Variants in KCNK2 observed in about 807,000 individuals in gnomAD.
KCNK2 encodes potassium channel subfamily K member 2.
Under a neutral mutation model 40.5 loss-of-function variants are expected in KCNK2, and 21 were observed. The observed-to-expected ratio is 0.52, with a 90% CI of 0.37 to 0.75. The LOEUF (loss-of-function observed/expected upper bound fraction) is 0.75, where lower values mean the gene tolerates loss of function less well. Ranked by LOEUF, KCNK2 falls within the 30% of genes least tolerant of loss-of-function variation. The pLI is 0.00. For missense variants in KCNK2, 399 were observed against 531.6 expected (o/e 0.75, Z 2.45); for synonymous variants, 191 against 202.2 (o/e 0.94, Z 0.47).
intron 1 of KCNK2, among the ~76,000 whole-genome samples, chr1:215,055,411 T>G (rs1335296387): frequency 6.6e-6 from 1 of 152,224 alleles, no homozygotes; most frequent in Non-Finnish European, 1.5e-5. Context: ...TCATTGGTTT[T>G]AAACAAGATG....
At chr1:215,073,450 G>T (rs895557462) in intron 1 of KCNK2, among the ~76,000 whole-genome samples, 10 of 152,278 alleles carry the variant, frequency 6.6e-5, no homozygotes, top group Admixed American at 2.6e-4. Context: ...TTGTTTGGAG[G>T]TTAGGGGAGC....
intron 3 of KCNK2, among the ~76,000 whole-genome samples, chr1:215,158,821 C>T (rs1339479926): frequency 6.6e-6 from 1 of 152,130 alleles, no homozygotes; most frequent in Non-Finnish European, 1.5e-5. Flanking sequence ...CAATAAAGGA[C>T]AGTGTTGGAT....
chr1:215,136,428 ATTTCT>A (rs1201679214), intron 3 of KCNK2, among the ~76,000 whole-genome samples: 4 of 152,150 alleles, frequency 2.6e-5, no homozygotes, highest in African/African-American at 4.8e-5. Flanking sequence ...ATCTTGAGGT[ATTTCT>A]TTTAATTAAC....
intron 1 of KCNK2, among the ~76,000 whole-genome samples, chr1:215,039,300 CT>C (rs1457085312): frequency 6.6e-6 from 1 of 152,072 alleles, no homozygotes; most frequent in Non-Finnish European, 1.5e-5. Context: ...ACAAGCTAAT[CT>C]TGAAAAACAA....
intron 1 of KCNK2, among the ~76,000 whole-genome samples, chr1:215,007,037 A>ATATATATATGTGTGTGTGTGTG (rs1330420661): frequency 1.9e-5 from 1 of 51,604 alleles, no homozygotes; most frequent in South Asian, 5.6e-4. Flanking sequence ...ATATATATAT[A>ATATATATATGTGTGTGTGTGTG]TGTGTGTGTG....
intron 6 of KCNK2, among the ~76,000 whole-genome samples, chr1:215,209,453 T>TTATATATTACATATAA (rs1665505425): frequency 8.4e-5 from 1 of 11,898 alleles, no homozygotes; most frequent in African/African-American, 3.2e-4. Flanking sequence ...ATAATATATA[T>TTATATATTACATATAA]TATATATTAT....
At chr1:215,098,802 C>A (rs1419999424) in intron 2 of KCNK2, among the ~76,000 whole-genome samples, 1 of 151,688 alleles carries the variant, frequency 6.6e-6, no homozygotes, top group Admixed American at 6.6e-5. Flanking sequence ...TGTCTCTGTC[C>A]TAATTTGTCA....
At chr1:215,105,484 A>G (rs1218906270) in intron 2 of KCNK2, among the ~76,000 whole-genome samples, 1 of 152,076 alleles carries the variant, frequency 6.6e-6, no homozygotes, top group Non-Finnish European at 1.5e-5. Context: ...CCATCGATGG[A>G]CATTTCCACC....
intron 1 of KCNK2, among the ~76,000 whole-genome samples, chr1:215,064,105 A>G (rs527691819): frequency 6.6e-6 from 1 of 152,290 alleles, no homozygotes; most frequent in Admixed American, 6.5e-5. Context: ...TCAAGTTTTT[A>G]GCATTTTTTT....
chr1:215,231,969 C>A (rs1666685495), intron 6 of KCNK2, among the ~76,000 whole-genome samples: 1 of 152,110 alleles, frequency 6.6e-6, no homozygotes, highest in Admixed American at 6.5e-5. Flanking sequence ...CCCAGTGATT[C>A]AATTACCTCC....
At chr1:215,195,121 T>A in intron 6 of KCNK2, 29 bp downstream of exon 6, 1 of 1,509,266 alleles carries the variant, frequency 6.6e-7, no homozygotes, top group Non-Finnish European at 9.0e-7. Context: ...GCAAAAAACT[T>A]CTATTTAGTT....
chr1:215,187,828 C>T lies in KCNK2; in HGVS notation c.824-7125C>T, dbSNP rs1664507034. Among the ~76,000 whole-genome samples, 7 of 132,786 alleles carry T rather than the reference C, an allele frequency of 5.3e-5. No individual in the cohort carries two copies. In the South Asian group the frequency reaches 1.6e-3, roughly 31 times the overall value. The allele number at this position is 132,786 out of a possible 152,430, so 87.1% of individuals were successfully genotyped here. ...CAGCTCTCTAGCCTGGGTGACAGAG[C>T]AAGACCCTGTCTCAAAAATTTAAAA... is the stretch of plus-strand genomic sequence containing the variant. On this transcript the variant is annotated intron_variant, in intron 5 of 6. Transcript: ENST00000444842.
intron 2 of KCNK2, among the ~76,000 whole-genome samples, chr1:215,113,790 T>A (rs570891219): frequency 6.6e-6 from 1 of 152,256 alleles, no homozygotes; most frequent in East Asian, 1.9e-4. Flanking sequence ...AAGATGGGGT[T>A]TTCCCATGTT....
At chr1:215,209,169 T>C (rs1276519021) in intron 6 of KCNK2, among the ~76,000 whole-genome samples, 3 of 143,430 alleles carry the variant, frequency 2.1e-5, no homozygotes, top group Non-Finnish European at 4.5e-5. Context: ...AGTGAGGGCA[T>C]TTTTTATGAT....
chr1:215,027,726 GA>G (rs1197054241), intron 1 of KCNK2, among the ~76,000 whole-genome samples: 2 of 152,236 alleles, frequency 1.3e-5, no homozygotes, highest in African/African-American at 4.8e-5. Flanking sequence ...ATAAAATTGG[GA>G]AACTTTCCAT....
chr1:215,194,912 A>T, intron 5 of KCNK2, 41 bp from the exon 6 acceptor site: 1 of 1,598,818 alleles, frequency 6.3e-7, no homozygotes. Flanking sequence ...TTTACTTTTA[A>T]GACTATGAAG....
intron 1 of KCNK2, among the ~76,000 whole-genome samples, chr1:215,017,010 T>A (rs2102474846): frequency 6.6e-6 from 1 of 152,102 alleles, no homozygotes; most frequent in Middle Eastern, 3.4e-3. Context: ...CACCAATCAT[T>A]AGGGAAATGC....
intron 3 of KCNK2, among the ~76,000 whole-genome samples, chr1:215,167,617 T>C (rs1663506913): frequency 6.6e-6 from 1 of 152,130 alleles, no homozygotes; most frequent in Non-Finnish European, 1.5e-5. Flanking sequence ...TTTAAAGAAG[T>C]TTAATAATTT....
intron 3 of KCNK2, among the ~76,000 whole-genome samples, chr1:215,125,130 A>G (rs1461917079): frequency 2.0e-5 from 3 of 152,158 alleles, no homozygotes; most frequent in South Asian, 2.1e-4. Context: ...TTCTTACGTG[A>G]TATCACCTTT....
Sources: allele counts gnomAD v4.1 joint callset (sites outside exome capture counted in the v4.1 genomes callset), GRCh38; gene constraint gnomAD v4.1.1; transcripts MANE v1.5; gene names NCBI Gene and HGNC (gene_info 2026-07-23, HGNC 2026-07-21).